MED27: variants seen among roughly 807,000 people sequenced by gnomAD.
MED27 encodes the protein mediator of RNA polymerase II transcription subunit 27.
Under a neutral mutation model 38.2 loss-of-function variants are expected in MED27, and 30 were observed. The ratio of observed to expected loss-of-function variants is 0.79; its 90% CI spans 0.59 to 1.07. The LOEUF is 1.07. Among genes scored for constraint, MED27 ranks in the 50% least tolerant of loss-of-function variants. The pLI is 0.00. For synonymous variants in MED27, 122 were observed against 153.5 expected (o/e 0.79, Z 1.52); for missense variants, 289 against 397.5 (o/e 0.73, Z 2.32).
intron 4 of MED27, among the ~76,000 whole-genome samples, chr9:131,909,330 T>C (rs1830146376): frequency 6.6e-6 from 1 of 152,194 alleles, no homozygotes; most frequent in Non-Finnish European, 1.5e-5. Context: ...TTATGAACAA[T>C]AATAATAGGC....
intron 4 of MED27, among the ~76,000 whole-genome samples, chr9:131,923,455 G>C (rs1449589296): frequency 1.3e-5 from 2 of 152,154 alleles, no homozygotes; most frequent in Non-Finnish European, 2.9e-5. Flanking sequence ...CCTAGCTTAA[G>C]GGTTTAGGGT....
At chr9:131,868,856 G>A in intron 6 of MED27, 2 of 985,478 alleles carry the variant, frequency 2.0e-6, no homozygotes, top group Non-Finnish European at 2.4e-6. Flanking sequence ...ATTCACAAAT[G>A]TGCCTGCTGT....
rs555801342 is a variant in MED27 at position 132,045,699 on chromosome 9, C to T, written c.349-31232G>A. On this transcript the variant is annotated intron_variant, in intron 2 of 7. Transcript: ENST00000292035. The stretch of plus-strand genomic sequence containing the variant: ...GCATGTCAGTATTTATTCTCCACTA[C>T]GTTTTGAGTTACGGAACTCCAGTTT... Among the ~76,000 whole-genome samples the T allele has an allele frequency of 6.6e-5, 10 of 152,306 alleles. No homozygotes were observed. In the South Asian group the frequency reaches 2.1e-3, roughly 32 times the overall value.
chr9:131,980,144 A>G (rs1831698446), intron 3 of MED27, among the ~76,000 whole-genome samples: 1 of 151,474 alleles, frequency 6.6e-6, no homozygotes, highest in Admixed American at 6.6e-5. Flanking sequence ...AGTGCCACAT[A>G]CACATGCACA....
At chr9:131,863,472 C>T (rs533925981) in intron 6 of MED27, among the ~76,000 whole-genome samples, 152 of 152,310 alleles carry the variant, frequency 1.0e-3, no homozygotes, top group African/African-American at 3.3e-3. Context: ...TCCCAAGCCT[C>T]CCTGCTCAGC....
At chr9:132,031,489 C>A (rs1832959333) in intron 2 of MED27, among the ~76,000 whole-genome samples, 1 of 152,064 alleles carries the variant, frequency 6.6e-6, no homozygotes, top group African/African-American at 2.4e-5. Context: ...AAAATGTGGG[C>A]AAGTATCCAA....
chr9:132,012,729 C>T (rs1296986283), intron 3 of MED27, among the ~76,000 whole-genome samples: 1 of 152,132 alleles, frequency 6.6e-6, no homozygotes, highest in Non-Finnish European at 1.5e-5. Context: ...CTTCCTAGCA[C>T]TAAGCATAAC....
chr9:131,911,738 C>T (rs1830192862), intron 4 of MED27, among the ~76,000 whole-genome samples: 1 of 152,198 alleles, frequency 6.6e-6, no homozygotes, highest in African/African-American at 2.4e-5. Context: ...TGCAGAGTAC[C>T]TAGCAACGTA....
intron 2 of MED27, among the ~76,000 whole-genome samples, chr9:132,038,537 A>G (rs1194198551): frequency 6.6e-6 from 1 of 152,230 alleles, no homozygotes; most frequent in Non-Finnish European, 1.5e-5. Context: ...TGAAATAAAC[A>G]AAGGCTACTT....
chr9:131,980,196 T>C (rs1236087241), intron 3 of MED27, among the ~76,000 whole-genome samples: 1 of 62,980 alleles, frequency 1.6e-5, no homozygotes, highest in Non-Finnish European at 4.3e-5. Flanking sequence ...AATGGGAAAA[T>C]GGGAGGCGGG....
At position 132,063,953 on chromosome 9, in the gene MED27, G is replaced by A. The variant is rs183253928; in HGVS notation, c.348+13489C>T. Among the ~76,000 whole-genome samples the A allele has an allele frequency of 3.5e-4, 54 of 152,270 alleles. 1 individual carries two copies. In the East Asian group the frequency reaches 7.5e-3, roughly 21 times the overall value. On this transcript the variant is annotated intron_variant, in intron 2 of 7. Transcript: ENST00000292035. ...ACACAGAAACTATCATGGAGACACC[G>A]GAAGGAAAACGCACTTCCGCCTTGT...
intron 3 of MED27, among the ~76,000 whole-genome samples, chr9:131,980,307 A>C (rs1177314899): frequency 6.6e-6 from 1 of 152,192 alleles, no homozygotes; most frequent in Non-Finnish European, 1.5e-5. Context: ...AAGTTCATTA[A>C]AAATCAAATG....
intron 2 of MED27, among the ~76,000 whole-genome samples, chr9:132,038,718 A>G (rs558175976): frequency 1.3e-5 from 2 of 152,346 alleles, no homozygotes; most frequent in South Asian, 2.1e-4. Context: ...GGTATTTGGC[A>G]TATTTGGGGG....
chr9:131,888,581 T>A (rs1839178608), intron 5 of MED27, among the ~76,000 whole-genome samples: 1 of 152,176 alleles, frequency 6.6e-6, no homozygotes, highest in Non-Finnish European at 1.5e-5. Flanking sequence ...TATCAATACT[T>A]CATTTCAAAA....
At chr9:132,021,284 A>G (rs943633275) in intron 2 of MED27, among the ~76,000 whole-genome samples, 7 of 152,214 alleles carry the variant, frequency 4.6e-5, no homozygotes, top group Admixed American at 3.9e-4. Context: ...TCCTGTTTAC[A>G]CTACAGCTGT....
intron 3 of MED27, among the ~76,000 whole-genome samples, chr9:131,970,154 C>T (rs1275230450): frequency 6.6e-6 from 1 of 152,212 alleles, no homozygotes; most frequent in Non-Finnish European, 1.5e-5. Flanking sequence ...ATGCAGATGC[C>T]CACAAACCCT....
At chr9:132,004,080 T>TGAGGGAACC (rs1832300414) in intron 3 of MED27, among the ~76,000 whole-genome samples, 1 of 152,230 alleles carries the variant, frequency 6.6e-6, no homozygotes, top group Admixed American at 6.5e-5. Flanking sequence ...CTTCTAAAGA[T>TGAGGGAACC]GAGGGAACCG....
intron 2 of MED27, among the ~76,000 whole-genome samples, chr9:132,019,221 C>T (rs1832668763): frequency 6.6e-6 from 1 of 152,194 alleles, no homozygotes; most frequent in Admixed American, 6.5e-5. Context: ...TTATTGATGA[C>T]TCTATTCTGT....
At chr9:132,018,699 T>C (rs893498360) in intron 2 of MED27, among the ~76,000 whole-genome samples, 3 of 152,212 alleles carry the variant, frequency 2.0e-5, no homozygotes, top group Non-Finnish European at 4.4e-5. Context: ...CATCCCATCA[T>C]ATGCAGCACT....
Sources: allele counts gnomAD v4.1 joint callset (sites outside exome capture counted in the v4.1 genomes callset), GRCh38; gene constraint gnomAD v4.1.1; transcripts MANE v1.5; gene names NCBI Gene and HGNC (gene_info 2026-07-23, HGNC 2026-07-21).